LDLRAD4: variants seen among roughly 807,000 people sequenced by gnomAD.
The protein encoded by LDLRAD4 is low-density lipoprotein receptor class A domain-containing protein 4.
LDLRAD4 carries 5 observed loss-of-function variants against 17.0 expected under a neutral mutation model. The ratio of observed to expected loss-of-function variants is 0.29; its 90% CI spans 0.15 to 0.62. The LOEUF (loss-of-function observed/expected upper bound fraction) is 0.62. Among genes scored for constraint, LDLRAD4 ranks in the 20% least tolerant of loss-of-function variants. LDLRAD4 has a pLI of 0.84. For missense variants in LDLRAD4, 340 were observed against 424.7 expected, an observed-to-expected ratio of 0.80 and a Z score of 1.75; for synonymous variants, 168 against 171.8, an observed-to-expected ratio of 0.98 and a Z score of 0.17.
chr18:13,478,355 G>A (rs1356892722), intron 3 of LDLRAD4, among the ~76,000 whole-genome samples: 3 of 152,170 alleles, frequency 2.0e-5, no homozygotes, highest in Admixed American at 1.3e-4. Flanking sequence ...GTATTTTCCC[G>A]TTGTCCCAAG....
At chr18:13,282,775 C>T (rs2045359505) in intron 1 of LDLRAD4, among the ~76,000 whole-genome samples, 1 of 152,244 alleles carries the variant, frequency 6.6e-6, no homozygotes, top group South Asian at 2.1e-4. Flanking sequence ...CTCCCAGCTC[C>T]ACTAGGCCAT....
At chr18:13,381,282 G>A (rs1347414767) in intron 1 of LDLRAD4, among the ~76,000 whole-genome samples, 1 of 151,852 alleles carries the variant, frequency 6.6e-6, no homozygotes, top group Non-Finnish European at 1.5e-5. Context: ...TGGCTAGGTG[G>A]GTTTCAAACA....
chr18:13,359,098 G>A lies in LDLRAD4; in HGVS notation c.-382-28243G>A, dbSNP rs144626327. 4.7e-4 allele frequency among the ~76,000 whole-genome samples: 72 copies of A among 152,278 alleles called. 2 individuals are homozygous for A. In the East Asian group the frequency reaches 0.012, roughly 26 times the overall value. On this transcript the variant is annotated intron_variant, in intron 1 of 5. Transcript: ENST00000359446. The stretch of plus-strand genomic sequence containing the variant: ...GAGCTTGGTGTTTTCATCAGTGCAC[G>A]TGGTTACTCCATGGAATCCCAAAAT...
rs1380371692 is a variant in LDLRAD4, at chr18:13,621,399, G to A, written c.336+128G>A. On this transcript the variant is annotated intron_variant, in intron 4 of 5. Transcript: ENST00000359446. This position sits in a 1 kb window ranked among gnomAD's most constrained non-coding sequence, Gnocchi z 5.5. ...AAACGGGGCGAAGCGCACCTCGTAAGTGTTCCACTTAGTGAGTCCCCACAA... is the reference window on the plus strand; with the variant it reads ...AAACGGGGCGAAGCGCACCTCGTAAATGTTCCACTTAGTGAGTCCCCACAA... The A allele has an allele frequency of 7.2e-6, 5 of 691,760 alleles. No homozygotes were observed. Among genetic ancestry groups the A allele is most frequent in the South Asian group, 1.7e-5 (1 of 58,312 alleles). 42.9% of individuals were successfully genotyped at this position (691,760 alleles called of 1,614,324 possible).
rs2086906343 is a variant in LDLRAD4 at position 13,398,694 on chromosome 18, A to G, written c.40+10932A>G. 6.6e-6 allele frequency among the ~76,000 whole-genome samples: 1 copy of G among 152,044 alleles called. No individual in the cohort carries two copies. The highest frequency in any genetic ancestry group is 6.5e-5 in the Admixed American group (1 of 15,270). ...GTTGATGTGGGTTTGGCGCTCACAG[A>G]GAGGATAGGCAGTGTGCTGGTGGGC... On this transcript the variant is annotated intron_variant, in intron 2 of 5. Coordinates refer to ENST00000359446, the Ensembl canonical transcript of LDLRAD4. The surrounding 1 kb of genome is among the most constrained non-coding windows in gnomAD (Gnocchi z 4.8).
intron 2 of LDLRAD4, among the ~76,000 whole-genome samples, chr18:13,408,786 T>C: frequency 6.6e-6 from 1 of 152,194 alleles, no homozygotes; most frequent in East Asian, 1.9e-4. Context: ...TCCTTTTGGC[T>C]TGGAAGTTAG....
At chr18:13,354,108 T>C (rs913312595) in intron 1 of LDLRAD4, among the ~76,000 whole-genome samples, 6 of 152,108 alleles carry the variant, frequency 3.9e-5, no homozygotes, top group Admixed American at 3.9e-4. Flanking sequence ...GCTTGGGAAG[T>C]TGAGTTGGGA....
At chr18:13,241,680 G>A (rs1174409776) in intron 1 of LDLRAD4, 2 of 152,338 alleles carry the variant, frequency 1.3e-5, no homozygotes, top group African/African-American at 4.8e-5. Context: ...ATGTAGGGGT[G>A]ACTGTCCCAG....
intron 1 of LDLRAD4, among the ~76,000 whole-genome samples, chr18:13,284,870 T>C (rs745642034): frequency 3.3e-5 from 5 of 152,218 alleles, no homozygotes; most frequent in Non-Finnish European, 7.3e-5. Context: ...GGTGCCAGTG[T>C]TAACAGACTG....
At chr18:13,309,769 G>A (rs1358681884) in intron 1 of LDLRAD4, among the ~76,000 whole-genome samples, 3 of 152,094 alleles carry the variant, frequency 2.0e-5, no homozygotes, top group Admixed American at 2.0e-4. Flanking sequence ...GGAAAGGTGG[G>A]AGAGAGGGCC....
At chr18:13,612,785 C>A (rs1272199383) in intron 3 of LDLRAD4, 1 of 1,613,964 alleles carries the variant, frequency 6.2e-7, no homozygotes, top group East Asian at 2.2e-5. Context: ...GTACATTTCC[C>A]AAGAACTGCT....
chr18:13,384,322 A>G (rs776914092), intron 1 of LDLRAD4, among the ~76,000 whole-genome samples: 1 of 152,216 alleles, frequency 6.6e-6, no homozygotes, highest in Non-Finnish European at 1.5e-5. Flanking sequence ...GTGGGGTACA[A>G]TGTAATGTTT....
At chr18:13,609,518 C>T (rs983582784) in intron 3 of LDLRAD4, among the ~76,000 whole-genome samples, 4 of 117,412 alleles carry the variant, frequency 3.4e-5, no homozygotes, top group South Asian at 5.9e-4. Context: ...GCTCATTATG[C>T]GTGTGTGTGT....
chr18:13,564,111 G>GC (rs1025530408), intron 3 of LDLRAD4, among the ~76,000 whole-genome samples: 6 of 152,154 alleles, frequency 3.9e-5, no homozygotes, highest in African/African-American at 1.4e-4. Flanking sequence ...TCACTTTGTT[G>GC]CCCAGGCTAG....
intron 3 of LDLRAD4, among the ~76,000 whole-genome samples, chr18:13,598,622 G>A (rs1250583355): frequency 6.6e-6 from 1 of 152,236 alleles, no homozygotes; most frequent in Non-Finnish European, 1.5e-5. Flanking sequence ...CTCTCAAAGA[G>A]CTACTAGCCT....
chr18:13,278,043 CTT>C (rs1190932399), upstream of LDLRAD4: 1 of 152,126 alleles, frequency 6.6e-6, no homozygotes, highest in African/African-American at 2.4e-5. Flanking sequence ...GTTTTTGAAA[CTT>C]GAGAGGGGGA....
chr18:13,619,162 T>C (rs34176389), intron 3 of LDLRAD4, among the ~76,000 whole-genome samples: 64,922 of 151,890 alleles, frequency 0.43, 17,038 homozygotes, highest in Middle Eastern at 0.7. Flanking sequence ...CTGCCTCCCG[T>C]GTCAAGAGGG....
At chr18:13,590,282 A>C (rs1198925223) in intron 3 of LDLRAD4, among the ~76,000 whole-genome samples, 1 of 112,670 alleles carries the variant, frequency 8.9e-6, no homozygotes, top group Non-Finnish European at 1.8e-5. Context: ...GTGCATATGG[A>C]GTGTGGGGGA....
intron 2 of LDLRAD4, among the ~76,000 whole-genome samples, chr18:13,415,033 T>G (rs766517287): frequency 1.7e-4 from 26 of 152,182 alleles, no homozygotes; most frequent in Non-Finnish European, 2.8e-4. Context: ...TTTAGTAAGT[T>G]TTTCCAAGAA....
Sources: allele counts gnomAD v4.1 joint callset (sites outside exome capture counted in the v4.1 genomes callset), GRCh38; gene constraint gnomAD v4.1.1; non-coding constraint Gnocchi (gnomAD v3.1); transcripts MANE v1.5; gene names NCBI Gene and HGNC (gene_info 2026-07-23, HGNC 2026-07-21).